Variants in CREB1 observed in about 807,000 individuals in gnomAD.
The protein encoded by CREB1 is cAMP responsive element binding protein 1, also known as cyclic AMP-responsive element-binding protein 1.
CREB1 carries 2 observed loss-of-function variants against 42.0 expected under a neutral mutation model. That is an observed-to-expected ratio of 0.05 (90% CI 0.02 to 0.15). The LOEUF (loss-of-function observed/expected upper bound fraction) is 0.15, where lower values mean the gene tolerates loss of function less well. CREB1 is among the 10% of genes least tolerant of loss of function. The pLI, the probability that CREB1 is intolerant of heterozygous loss-of-function variation, is 1.00. For synonymous variants in CREB1, 123 were observed against 139.9 expected (o/e 0.88, Z 0.85); for missense variants, 199 against 388.9 (o/e 0.51, Z 4.11).
In CREB1 at chr2:207,605,817, G is replaced by A. The variant is rs2087996991; in HGVS notation, c.*8759G>A. On this transcript the variant is annotated 3_prime_UTR_variant, in exon 8 of 8. Transcript: ENST00000353267. ...ACAAGTTGTATCTCCAGGATACTGA[G>A]AAGTAAAAGTTATTTCTGAATTATG... 6.6e-6 allele frequency among the ~76,000 whole-genome samples: 1 copy of A among 152,214 alleles called. No individual in the cohort carries two copies. The highest frequency in any genetic ancestry group is 2.4e-5 in the African/African-American group (1 of 41,452).
chr2:207,534,337 A>G (rs1031632981), intron 1 of CREB1, among the ~76,000 whole-genome samples: 3 of 152,144 alleles, frequency 2.0e-5, no homozygotes, highest in Non-Finnish European at 4.4e-5. Flanking sequence ...CCTGGATTCA[A>G]GTGATTCTCC....
In CREB1 at chr2:207,604,796, A is replaced by T. The variant is rs950055579; in HGVS notation, c.*7738A>T. On this transcript the variant is annotated 3_prime_UTR_variant, in exon 8 of 8. Transcript: ENST00000353267. ...ACCAATCTGCTTCCTGTTTCTTTGG[A>T]TTTACATCCGGGTATTTCATGTGAG... Among the ~76,000 whole-genome samples the T allele has an allele frequency of 6.6e-6, 1 of 152,006 alleles. No homozygotes were observed. The highest frequency in any genetic ancestry group is 2.4e-5 in the African/African-American group (1 of 41,366).
Position 207,601,626 on chromosome 2 carries a change from T to C in CREB1, c.*4568T>C, listed in dbSNP as rs1309563987. On this transcript the variant is annotated 3_prime_UTR_variant, in exon 8 of 8. Coordinates refer to ENST00000353267, the MANE Select transcript of CREB1 (RefSeq NM_004379.5). ...TGTACATAGTATGCCAAAATATCCA[T>C]TAATTTGTCTAGAATAGTACAAGAC... The C allele has an allele frequency of 3.3e-5, 7 of 209,466 alleles. No homozygotes were observed. The highest frequency in any genetic ancestry group is 6.8e-5 in the Non-Finnish European group (7 of 103,098). The allele number at this position is 209,466 out of a possible 1,614,324, so 13.0% of individuals were successfully genotyped here. A position where few individuals can be genotyped will look rare whatever the true frequency, so the allele number is the denominator to read the frequency against.
chr2:207,585,012 C>T (rs1346781590), intron 7 of CREB1, among the ~76,000 whole-genome samples: 1 of 151,800 alleles, frequency 6.6e-6, no homozygotes, highest in Non-Finnish European at 1.5e-5. Context: ...CACTTACACA[C>T]GTCTAGGAGC....
intron 1 of CREB1, among the ~76,000 whole-genome samples, chr2:207,537,589 G>A (rs1270519040): frequency 6.6e-6 from 1 of 152,182 alleles, no homozygotes; most frequent in Non-Finnish European, 1.5e-5. Flanking sequence ...AGTCATTATA[G>A]AAGAGCCAGA....
chr2:207,590,223 G>A (rs2084750501), intron 7 of CREB1, among the ~76,000 whole-genome samples: 1 of 149,658 alleles, frequency 6.7e-6, no homozygotes, highest in African/African-American at 2.5e-5. Flanking sequence ...AGAGTTGTTT[G>A]TAGTGTTAGT....
chr2:207,549,410 A>G (rs1337631433), intron 1 of CREB1, among the ~76,000 whole-genome samples: 1 of 152,058 alleles, frequency 6.6e-6, no homozygotes, highest in African/African-American at 2.4e-5. Flanking sequence ...AAGTATTTTA[A>G]GGTTAACCCT....
At chr2:207,591,764 CCT>C (rs1405198715) in intron 7 of CREB1, among the ~76,000 whole-genome samples, 1 of 152,064 alleles carries the variant, frequency 6.6e-6, no homozygotes, top group Admixed American at 6.6e-5. Context: ...TAATATATAT[CCT>C]TCTCCATCCT....
intron 7 of CREB1, among the ~76,000 whole-genome samples, chr2:207,585,620 AATAATG>A (rs1391336438): frequency 6.6e-6 from 1 of 152,210 alleles, no homozygotes. Context: ...AGGAATTGAA[AATAATG>A]ATCTTAAGAA....
At chr2:207,586,504 G>T (rs940778425) in intron 7 of CREB1, among the ~76,000 whole-genome samples, 2 of 152,044 alleles carry the variant, frequency 1.3e-5, no homozygotes. Context: ...CATTAGACTT[G>T]GCAAAAACTT....
At chr2:207,564,537 T>A (rs1009158538) in intron 3 of CREB1, among the ~76,000 whole-genome samples, 12 of 151,268 alleles carry the variant, frequency 7.9e-5, no homozygotes, top group African/African-American at 1.7e-4. Context: ...AAAAAAAAAA[T>A]ATATATCCAA....
chr2:207,604,772 C>T lies in CREB1; in HGVS notation c.*7714C>T, dbSNP rs1472446047. Among the ~76,000 whole-genome samples the T allele has an allele frequency of 1.3e-5, 2 of 152,192 alleles. No individual in the cohort carries two copies. The highest frequency in any genetic ancestry group is 4.8e-5 in the African/African-American group (2 of 41,446). Reference sequence around the variant, plus strand: ...CCACCGCCCTTGTCCCTGGCAACCACCAATCTGCTTCCTGTTTCTTTGGAT... The same window carrying T: ...CCACCGCCCTTGTCCCTGGCAACCATCAATCTGCTTCCTGTTTCTTTGGAT... On this transcript the variant is annotated 3_prime_UTR_variant, in exon 8 of 8. Coordinates refer to ENST00000353267, the MANE Select transcript of CREB1 (RefSeq NM_004379.5).
intron 7 of CREB1, among the ~76,000 whole-genome samples, chr2:207,590,939 T>C (rs904707835): frequency 6.6e-6 from 1 of 152,248 alleles, no homozygotes; most frequent in African/African-American, 2.4e-5. Context: ...TGCATTCAGT[T>C]TAAAAATTTT....
chr2:207,592,787 C>T (rs986947805), intron 7 of CREB1, among the ~76,000 whole-genome samples: 4 of 151,980 alleles, frequency 2.6e-5, no homozygotes, highest in African/African-American at 4.8e-5. Context: ...GCCATGGTGG[C>T]GCATGCCTGT....
intron 1 of CREB1, chr2:207,550,324 G>C (rs2081455298): frequency 6.8e-6 from 1 of 148,066 alleles, no homozygotes; most frequent in African/African-American, 2.5e-5. Flanking sequence ...ATTTCTAGTT[G>C]AGGTCATTCT....
At chr2:207,542,598 C>T (rs1330341612) in intron 1 of CREB1, among the ~76,000 whole-genome samples, 1 of 152,056 alleles carries the variant, frequency 6.6e-6, no homozygotes, top group Non-Finnish European at 1.5e-5. Flanking sequence ...AAATTTTCTC[C>T]TGTGGGTTGT....
chr2:207,549,157 T>C (rs1470891946), intron 1 of CREB1, among the ~76,000 whole-genome samples: 2 of 152,172 alleles, frequency 1.3e-5, no homozygotes, highest in Non-Finnish European at 2.9e-5. Context: ...ATCAGTCTAA[T>C]CTAAAGTTTA....
intron 1 of CREB1, among the ~76,000 whole-genome samples, chr2:207,532,839 T>C (rs2080705886): frequency 1.3e-5 from 2 of 152,090 alleles, no homozygotes; most frequent in South Asian, 4.2e-4. Context: ...CACTGCAAGC[T>C]CCGCCTCCCG....
chr2:207,540,670 A>G (rs1358222507), intron 1 of CREB1, among the ~76,000 whole-genome samples: 2 of 4,742 alleles, frequency 4.2e-4, no homozygotes, highest in Admixed American at 0.016. Context: ...TTTAAAAAGT[A>G]AAAAAAAAAA....
Sources: allele counts gnomAD v4.1 joint callset (sites outside exome capture counted in the v4.1 genomes callset), GRCh38; gene constraint gnomAD v4.1.1; transcripts MANE v1.5; gene names NCBI Gene and HGNC (gene_info 2026-07-23, HGNC 2026-07-21).